The following MARS1 variants were observed in gnomAD, a reference collection of about 807,000 sequenced individuals.
The protein encoded by MARS1 is methionyl-tRNA synthetase 1.
Under a neutral mutation model 119.5 loss-of-function variants are expected in MARS1, and 80 were observed. That is an observed-to-expected ratio of 0.67 (90% CI 0.56 to 0.81). The LOEUF (loss-of-function observed/expected upper bound fraction) is 0.81, where lower values mean the gene tolerates loss of function less well. Ranked by LOEUF, MARS1 falls within the 30% of genes least tolerant of loss-of-function variation. The pLI is 0.00. For synonymous variants in MARS1, 418 were observed against 433.4 expected, an observed-to-expected ratio of 0.96 and a Z score of 0.44; for missense variants, 945 against 1,116.5, an observed-to-expected ratio of 0.85 and a Z score of 2.19.
rs1877536438 is a variant in MARS1 at position 57,511,845 on chromosome 12, C to T, written c.1516C>T (p.Pro506Ser). 6.2e-7 allele frequency: 1 copy of T among 1,614,086 alleles called. No homozygotes were observed. Among genetic ancestry groups the T allele is most frequent in the Non-Finnish European group, 8.5e-7 (1 of 1,179,978 alleles). The change falls in exon 12 of 21, where the codon CCC becomes TCC. Residue 506 changes from proline (P) to serine (S), a missense_variant. Pro to Ser is a moderately conservative substitution (Grantham distance 74, BLOSUM62 -1). Transcript: ENST00000262027. ...TRDLKWGTPVPLEGFEDKVFY... is the reference protein window; with the variant it reads ...TRDLKWGTPVSLEGFEDKVFY... The stretch of plus-strand genomic sequence containing the variant: ...AGACCTCAAATGGGGAACCCCTGTA[C>T]CCTTAGAAGGTTTTGAAGACAAGGT...
At chr12:57,501,496 C>T (rs150993850) in intron 10 of MARS1, among the ~76,000 whole-genome samples, 7 of 152,206 alleles carry the variant, frequency 4.6e-5, no homozygotes, top group Non-Finnish European at 8.8e-5. Context: ...ACCAGCCTGG[C>T]CTGTAACATG....
At chr12:57,496,847 T>TG (rs536630794) in intron 7 of MARS1, among the ~76,000 whole-genome samples, 48 of 151,852 alleles carry the variant, frequency 3.2e-4, no homozygotes, top group African/African-American at 1.1e-3. Flanking sequence ...AATGCATAAG[T>TG]GGAGGAGGAG....
intron 10 of MARS1, chr12:57,503,935 C>G (rs1877057271): frequency 3.4e-6 from 1 of 291,716 alleles, no homozygotes; most frequent in African/African-American, 2.2e-5. Flanking sequence ...CCTCCCCTCA[C>G]ACAGCCAAGT....
chr12:57,490,469 G>C (rs747411651), intron 6 of MARS1, 69 bp from the exon 7 acceptor site: 23 of 1,609,680 alleles, frequency 1.4e-5, no homozygotes, highest in Non-Finnish European at 1.9e-5. Flanking sequence ...TCAGGTAGTG[G>C]CAAGGAGAAA....
intron 10 of MARS1, among the ~76,000 whole-genome samples, chr12:57,501,931 G>T (rs551952644): frequency 2.0e-5 from 3 of 152,086 alleles, no homozygotes; most frequent in Admixed American, 6.6e-5. Flanking sequence ...GGAAGCGGAG[G>T]TTGCAGTGAG....
intron 18 of MARS1, 48 bp from the exon 19 acceptor site, chr12:57,515,872 A>G: frequency 1.4e-6 from 2 of 1,429,160 alleles, no homozygotes; most frequent in Non-Finnish European, 2.0e-6. Context: ...AGTCTATGGT[A>G]GAGTCTGTAT....
intron 19 of MARS1, 115 bp from the exon 20 acceptor site, chr12:57,516,130 C>T: frequency 2.9e-6 from 4 of 1,364,380 alleles, no homozygotes; most frequent in Non-Finnish European, 4.2e-6. Context: ...TCTTTCCTGT[C>T]TTAACTAGAA....
Position 57,512,105 on chromosome 12 carries a change from T to C in MARS1, c.1635+2T>C. 2.5e-6 allele frequency: 4 copies of C among 1,614,074 alleles called. No individual in the cohort carries two copies. Among genetic ancestry groups the C allele is most frequent in the Non-Finnish European group, 3.4e-6 (4 of 1,179,920 alleles). On this transcript the variant is annotated splice_donor_variant, in intron 13 of 20. Coordinates refer to ENST00000262027, the MANE Select transcript of MARS1 (RefSeq NM_004990.4). LOFTEE classifies it high-confidence loss of function. ...AGATGGTGGAAGAACCCAGAGCAAG[T>C]GAGCAGTTCTTGGTTAGGCTGTGCA...
At chr12:57,492,260 CAG>C (rs1876009006) in intron 7 of MARS1, among the ~76,000 whole-genome samples, 1 of 129,174 alleles carries the variant, frequency 7.7e-6, no homozygotes, top group Non-Finnish European at 1.6e-5. Context: ...GCCTGGGAGA[CAG>C]AGCAAGACTG....
intron 7 of MARS1, among the ~76,000 whole-genome samples, chr12:57,492,140 A>C (rs1565638679): frequency 1.3e-5 from 2 of 151,700 alleles, no homozygotes; most frequent in African/African-American, 4.9e-5. Context: ...TTAGCCGGGC[A>C]TTGTGGCGGG....
rs747684769 is a variant in MARS1, at chr12:57,489,093, A to G, written c.184A>G (p.Thr62Ala). The G allele has an allele frequency of 6.2e-7, 1 of 1,613,128 alleles. No individual in the cohort carries two copies. Among genetic ancestry groups the G allele is most frequent in the South Asian group, 1.1e-5 (1 of 91,046 alleles). Residue 62 changes from threonine (T) to alanine (A), a missense_variant, in exon 2 of 21, where the codon ACT becomes GCT. Thr to Ala is a moderately conservative substitution (Grantham distance 58, BLOSUM62 0). Transcript: ENST00000262027. Reference protein sequence around the residue: ...QLDSGNYLFSTSAICRYFFLL... With the variant: ...QLDSGNYLFSASAICRYFFLL... ...GGATAGCGGCAACTACCTCTTCTCC[A>G]CTAGTGCAATCTGCCGGTCAGTATT...
intron 7 of MARS1, 136 bp downstream of exon 7, chr12:57,490,780 C>CTTTTTTTTTTTTTTTTTTTTTTTT (rs35674919): frequency 2.5e-5 from 6 of 238,800 alleles, no homozygotes; most frequent in African/African-American, 9.0e-5. Context: ...TCTTACATCT[C>CTTTTTTTTTTTTTTTTTTTTTTTT]TTTTTTTTTT....
chr12:57,498,385 C>T (rs779138977), intron 8 of MARS1, 35 bp from the exon 9 acceptor site: 57 of 1,606,018 alleles, frequency 3.5e-5, no homozygotes, highest in Non-Finnish European at 4.7e-5. Context: ...AGCGCTGAAG[C>T]GGGGCCCCCT....
intron 9 of MARS1, among the ~76,000 whole-genome samples, 171 bp downstream of exon 9, chr12:57,498,794 G>A (rs1335397995): frequency 6.6e-6 from 1 of 152,126 alleles, no homozygotes; most frequent in Non-Finnish European, 1.5e-5. Flanking sequence ...GATGGTGTGT[G>A]TAGAAGCCTG....
At chr12:57,492,370 TTGAG>T (rs1470889125) in intron 7 of MARS1, among the ~76,000 whole-genome samples, 1 of 147,720 alleles carries the variant, frequency 6.8e-6, no homozygotes, top group Non-Finnish European at 1.5e-5. Context: ...CTCTAAAACA[TTGAG>T]TGAAGACTTA....
rs1162182825 is a variant in MARS1 at position 57,493,839 on chromosome 12, TA to T, written c.770+3197del. 2.0e-3 allele frequency among the ~76,000 whole-genome samples: 12 copies of T among 6,018 alleles called. 1 individual carries two copies. Among genetic ancestry groups the T allele is most frequent in the Non-Finnish European group, 2.1e-3 (4 of 1,878 alleles). 3.9% of individuals were successfully genotyped at this position (6,018 alleles called of 152,430 possible). ...ATTATATATATTATATTATATATTA[TA>T]ATATATAATATATATATTTATATTA... On this transcript the variant is annotated intron_variant, in intron 7 of 20. Transcript: ENST00000262027.
At chr12:57,514,668 GATA>G (rs1877688659) in intron 15 of MARS1, 49 bp from the exon 16 acceptor site, 1 of 1,609,410 alleles carries the variant, frequency 6.2e-7, no homozygotes, top group Non-Finnish European at 8.5e-7. Flanking sequence ...AAGGAGACGG[GATA>G]ATAACTTCCC....
In MARS1 at chr12:57,489,604, A is replaced by C. The variant is rs770498522; in HGVS notation, c.414+46A>C. Reference sequence around the variant, plus strand: ...AGGACTGGGGAAGGCTTATGGTGTAAGGATTAAGAGGGAAGACTGTATTCA... The same window carrying C: ...AGGACTGGGGAAGGCTTATGGTGTACGGATTAAGAGGGAAGACTGTATTCA... On this transcript the variant is annotated intron_variant, in intron 4 of 20. Coordinates refer to ENST00000262027, the MANE Select transcript of MARS1 (RefSeq NM_004990.4). 6 of 1,610,808 alleles carry C rather than the reference A, an allele frequency of 3.7e-6. No individual in the cohort carries two copies. The Admixed American group carries it at 1.0e-4, about 27-fold the overall frequency.
At chr12:57,500,205 A>G in intron 9 of MARS1, 116 bp from the exon 10 acceptor site, 2 of 804,968 alleles carry the variant, frequency 2.5e-6, no homozygotes, top group Non-Finnish European at 2.2e-6. Context: ...TTCCTTGAGG[A>G]GCCTTCTGCC....
Sources: allele counts gnomAD v4.1 joint callset (sites outside exome capture counted in the v4.1 genomes callset), GRCh38; gene constraint gnomAD v4.1.1; transcripts MANE v1.5; gene names NCBI Gene and HGNC (gene_info 2026-07-23, HGNC 2026-07-21).